Variants in LRP1B observed in about 807,000 individuals in gnomAD.
LRP1B encodes the protein LDL receptor related protein 1B.
A neutral mutation model predicts 556.6 loss-of-function variants in LRP1B; 217 were observed. The ratio of observed to expected loss-of-function variants is 0.39; its 90% confidence interval spans 0.35 to 0.44. LRP1B has a LOEUF of 0.44. Among genes scored for constraint, LRP1B ranks in the 20% least tolerant of loss-of-function variants. The probability of loss-of-function intolerance (pLI) is 1.00; values close to 1 mark genes in which losing one functional copy is unlikely to be tolerated. For synonymous variants in LRP1B, 2,047 were observed against 1,865.8 expected, an observed-to-expected ratio of 1.10 and a Z score of -2.50; for missense variants, 5,053 against 5,620.8, an observed-to-expected ratio of 0.90 and a Z score of 3.23.
intron 18 of LRP1B, among the ~76,000 whole-genome samples, chr2:140,964,954 G>A (rs1248898292): frequency 6.6e-6 from 1 of 152,056 alleles, no homozygotes; most frequent in African/African-American, 2.4e-5. Flanking sequence ...ACTCCAACTC[G>A]GGAGGGAAGG....
At chr2:140,422,088 C>A (rs1016837782) in intron 66 of LRP1B, among the ~76,000 whole-genome samples, 5 of 152,218 alleles carry the variant, frequency 3.3e-5, no homozygotes, top group Admixed American at 3.3e-4. Flanking sequence ...AATGTTATTT[C>A]TTTTCTTCAC....
chr2:141,722,954 A>G (rs1386838940), intron 2 of LRP1B, among the ~76,000 whole-genome samples: 1 of 152,156 alleles, frequency 6.6e-6, no homozygotes, highest in Non-Finnish European at 1.5e-5. Context: ...TCTTACATTG[A>G]TGAATATTTT....
chr2:141,005,953 A>G (rs1697562098), intron 14 of LRP1B, among the ~76,000 whole-genome samples: 1 of 151,996 alleles, frequency 6.6e-6, no homozygotes, highest in African/African-American at 2.4e-5. Flanking sequence ...TGAAGACCCA[A>G]AAATGAGCAG....
At chr2:140,402,220 G>T (rs527855580) in intron 66 of LRP1B, among the ~76,000 whole-genome samples, 3 of 152,220 alleles carry the variant, frequency 2.0e-5, no homozygotes, top group Non-Finnish European at 4.4e-5. Context: ...CCAGATGGCA[G>T]GCCTTGGGTT....
intron 1 of LRP1B, among the ~76,000 whole-genome samples, chr2:142,009,119 G>C (rs1702880952): frequency 6.6e-6 from 1 of 152,294 alleles, no homozygotes; most frequent in African/African-American, 2.4e-5. Context: ...ATTGTTGCAG[G>C]AATTGCTTTT....
intron 1 of LRP1B, among the ~76,000 whole-genome samples, chr2:141,871,904 G>A (rs1698599533): frequency 6.6e-6 from 1 of 151,868 alleles, no homozygotes; most frequent in South Asian, 2.1e-4. Context: ...TTCAAATGAT[G>A]TGTAACAAGG....
chr2:142,056,437 C>T (rs1277634956), intron 1 of LRP1B, among the ~76,000 whole-genome samples: 1 of 152,028 alleles, frequency 6.6e-6, no homozygotes, highest in African/African-American at 2.4e-5. Context: ...ATGGATAAGA[C>T]TTTTTATCAT....
At chr2:140,839,741 T>C (rs1692039808) in intron 31 of LRP1B, among the ~76,000 whole-genome samples, 1 of 152,198 alleles carries the variant, frequency 6.6e-6, no homozygotes, top group Non-Finnish European at 1.5e-5. Flanking sequence ...CACCTTGTGA[T>C]CCTGTGAGTC....
chr2:141,807,798 A>C (rs11896904), intron 2 of LRP1B, among the ~76,000 whole-genome samples: 16,679 of 152,034 alleles, frequency 0.11, 1,199 homozygotes, highest in African/African-American at 0.2. Context: ...ACAGCATTGC[A>C]GTGGAGATTT....
At chr2:142,063,258 T>C (rs1704986642) in intron 1 of LRP1B, among the ~76,000 whole-genome samples, 1 of 151,650 alleles carries the variant, frequency 6.6e-6, no homozygotes, top group Non-Finnish European at 1.5e-5. Context: ...GAATTTGCAA[T>C]TGATGGAGTC....
At chr2:140,645,339 A>G (rs1684440753) in intron 41 of LRP1B, among the ~76,000 whole-genome samples, 1 of 152,034 alleles carries the variant, frequency 6.6e-6, no homozygotes, top group Non-Finnish European at 1.5e-5. Flanking sequence ...TAATTATAGC[A>G]TAGTGCTGAC....
intron 2 of LRP1B, among the ~76,000 whole-genome samples, chr2:141,767,451 TCTC>T (rs1368259563): frequency 6.6e-6 from 1 of 152,100 alleles, no homozygotes; most frequent in Non-Finnish European, 1.5e-5. Context: ...GTCGCTTAAC[TCTC>T]CTCAAGTGAA....
intron 2 of LRP1B, among the ~76,000 whole-genome samples, chr2:141,492,374 C>A (rs1054251615): frequency 6.6e-6 from 1 of 151,926 alleles, no homozygotes; most frequent in African/African-American, 2.4e-5. Context: ...CAAAACAAAA[C>A]AAAACAAAAA....
chr2:141,469,053 C>T (rs964829235), intron 3 of LRP1B, among the ~76,000 whole-genome samples: 2 of 152,136 alleles, frequency 1.3e-5, no homozygotes, highest in Non-Finnish European at 2.9e-5. Flanking sequence ...TTTTCTTAAT[C>T]GCAAGCCTAA....
At chr2:140,854,625 C>T (rs147348822) in intron 27 of LRP1B, among the ~76,000 whole-genome samples, 12 of 152,244 alleles carry the variant, frequency 7.9e-5, no homozygotes, top group African/African-American at 2.9e-4. Context: ...TTAGCAGACA[C>T]GAACCCATGA....
At chr2:140,514,879 T>A (rs1473520145) in intron 50 of LRP1B, 107 bp from the exon 51 acceptor site, 5 of 1,081,308 alleles carry the variant, frequency 4.6e-6, no homozygotes, top group Non-Finnish European at 6.2e-6. Context: ...AACAATCCTA[T>A]AATAAAAGAA....
chr2:141,760,426 C>T (rs968105612), intron 2 of LRP1B, among the ~76,000 whole-genome samples: 17 of 152,010 alleles, frequency 1.1e-4, no homozygotes, highest in African/African-American at 2.7e-4. Flanking sequence ...TGGGTGATTA[C>T]GAGTGACCTT....
chr2:140,546,790 G>A lies in LRP1B; in HGVS notation c.7195-4819C>T, dbSNP rs148195568. Among the ~76,000 whole-genome samples the A allele has an allele frequency of 3.6e-3, 541 of 152,240 alleles. 4 individuals are homozygous for A. Among genetic ancestry groups the A allele is most frequent in the African/African-American group, 0.013 (528 of 41,558 alleles). On this transcript the variant is annotated intron_variant, in intron 43 of 90. Coordinates refer to ENST00000389484, the MANE Select transcript of LRP1B (RefSeq NM_018557.3). ...CTTTTGCCTATTCAGTATGATGTTG[G>A]CTGTGGATTTGTCATAGATGGTTCT... is the stretch of plus-strand genomic sequence containing the variant.
chr2:140,814,407 G>A (rs1328379187), intron 31 of LRP1B, among the ~76,000 whole-genome samples: 1 of 152,112 alleles, frequency 6.6e-6, no homozygotes, highest in African/African-American at 2.4e-5. Context: ...ACAAAAAATA[G>A]TACCTAGAGT....
Sources: gnomAD v4.1 joint callset for allele counts (sites outside exome capture counted in the v4.1 genomes callset) on GRCh38, gnomAD v4.1.1 for gene constraint, MANE v1.5 for transcripts, NCBI Gene and HGNC (gene_info 2026-07-23, HGNC 2026-07-21) for gene names.